The following GAB1 variants were observed in gnomAD, a reference collection of about 807,000 sequenced individuals.
GAB1 encodes GRB2 associated binding protein 1.
GAB1 carries 19 observed loss-of-function variants against 66.5 expected under a neutral mutation model. The ratio of observed to expected loss-of-function variants is 0.29; its 90% CI spans 0.20 to 0.42. GAB1 has a LOEUF of 0.42. Ranked by LOEUF, GAB1 falls within the 10% of genes least tolerant of loss-of-function variation. GAB1 has a pLI of 1.00. For missense variants in GAB1, 732 were observed against 858.5 expected (o/e 0.85, Z 1.84); for synonymous variants, 294 against 301.4 (o/e 0.98, Z 0.25).
chr4:143,437,535 CTT>C (rs764948085), intron 3 of GAB1, among the ~76,000 whole-genome samples: 3 of 152,190 alleles, frequency 2.0e-5, no homozygotes, highest in Non-Finnish European at 4.4e-5. Flanking sequence ...AATCATTAGA[CTT>C]TTAATTTTAC....
chr4:143,409,521 G>A (rs994821373), intron 1 of GAB1, among the ~76,000 whole-genome samples: 7 of 151,106 alleles, frequency 4.6e-5, no homozygotes, highest in Non-Finnish European at 1.0e-4. Flanking sequence ...AAAAAAAAAA[G>A]GAATTAGCTT....
At chr4:143,372,128 C>A (rs1325514268) in intron 1 of GAB1, among the ~76,000 whole-genome samples, 8 of 151,936 alleles carry the variant, frequency 5.3e-5, no homozygotes, top group Non-Finnish European at 1.0e-4. Flanking sequence ...AGTTCAAGAC[C>A]AGCCTGGCCA....
At chr4:143,353,430 T>C (rs1224080755) in intron 1 of GAB1, among the ~76,000 whole-genome samples, 1 of 152,168 alleles carries the variant, frequency 6.6e-6, no homozygotes, top group African/African-American at 2.4e-5. Flanking sequence ...ACTTTGATTT[T>C]AAAGTCCACA....
At chr4:143,413,289 T>C (rs141629743) in intron 1 of GAB1, among the ~76,000 whole-genome samples, 74 of 152,306 alleles carry the variant, frequency 4.9e-4, no homozygotes, top group African/African-American at 1.7e-3. Context: ...TACTAAGAGA[T>C]GATATTTATT....
At chr4:143,455,445 G>A (rs183582822) in intron 6 of GAB1, among the ~76,000 whole-genome samples, 1 of 152,116 alleles carries the variant, frequency 6.6e-6, no homozygotes, top group Admixed American at 6.6e-5. Context: ...AAGATACTGG[G>A]GTAGCAAAGC....
chr4:143,355,847 C>T (rs933281860), intron 1 of GAB1, among the ~76,000 whole-genome samples: 4 of 152,072 alleles, frequency 2.6e-5, no homozygotes, highest in African/African-American at 9.7e-5. Context: ...TACCTTTCTT[C>T]CAACCCTCCT....
At chr4:143,396,600 AG>A (rs1338136577) in intron 1 of GAB1, among the ~76,000 whole-genome samples, 1 of 152,204 alleles carries the variant, frequency 6.6e-6, no homozygotes, top group Admixed American at 6.5e-5. Context: ...GGACTTCAGT[AG>A]ATCTAAAAGA....
intron 6 of GAB1, among the ~76,000 whole-genome samples, chr4:143,457,174 T>C (rs920227399): frequency 2.0e-5 from 3 of 152,154 alleles, no homozygotes; most frequent in African/African-American, 7.2e-5. Flanking sequence ...AGGAATAGAT[T>C]AAGGTTTTAA....
Position 143,470,163 on chromosome 4 carries a change from G to T in GAB1, c.*974G>T, listed in dbSNP as rs189306252. 4.7e-4 allele frequency: 71 copies of T among 152,278 alleles called. 1 individual carries two copies. Among genetic ancestry groups the T allele is most frequent in the African/African-American group, 1.6e-3 (68 of 41,562 alleles). 9.4% of individuals were successfully genotyped at this position (152,278 alleles called of 1,614,324 possible). A position where few individuals can be genotyped will look rare whatever the true frequency, so the allele number is the denominator to read the frequency against. ...AGCAACATACTGTGATTTTTAATTA[G>T]ATAGTAATTCAGATTTATTACTCTA... On this transcript the variant is annotated 3_prime_UTR_variant, in exon 10 of 10. Transcript: ENST00000262994.
intron 2 of GAB1, among the ~76,000 whole-genome samples, chr4:143,419,668 T>G (rs1379562786): frequency 6.6e-6 from 1 of 152,162 alleles, no homozygotes; most frequent in Non-Finnish European, 1.5e-5. Context: ...TGCCAATACG[T>G]TCTACATTGA....
At chr4:143,407,699 C>A (rs1367959813) in intron 1 of GAB1, among the ~76,000 whole-genome samples, 1 of 152,056 alleles carries the variant, frequency 6.6e-6, no homozygotes, top group East Asian at 1.9e-4. Context: ...AATGATAGAG[C>A]CAGTGGAGTG....
Position 143,425,130 on chromosome 4 carries a change from A to C in GAB1, c.368-8361A>C, listed in dbSNP as rs1733265002. 3 of 816,978 alleles carry C rather than the reference A, an allele frequency of 3.7e-6. No individual in the cohort carries two copies. In the East Asian group the frequency reaches 7.3e-5, roughly 20 times the overall value. The allele number at this position is 816,978 out of a possible 1,614,324, so 50.6% of individuals were successfully genotyped here. A position where few individuals can be genotyped will look rare whatever the true frequency, so the allele number is the denominator to read the frequency against. On this transcript the variant is annotated intron_variant, in intron 2 of 9. Coordinates refer to ENST00000262994, the MANE Select transcript of GAB1 (RefSeq NM_002039.4). ...TGCAGCAGGAACCCACTTAGGTGGC[A>C]CCAGTCTTGACTTCCAGATGGAATA... is the stretch of plus-strand genomic sequence containing the variant.
chr4:143,377,094 G>A (rs1199829353), intron 1 of GAB1, among the ~76,000 whole-genome samples: 2 of 151,420 alleles, frequency 1.3e-5, no homozygotes, highest in Non-Finnish European at 2.9e-5. Flanking sequence ...ATTTAGTCTG[G>A]TGGTTTTTTT....
rs558716672 is a variant in GAB1 at position 143,469,723 on chromosome 4, A to G, written c.*534A>G. 6.5e-6 allele frequency: 1 copy of G among 154,416 alleles called. No homozygotes were observed. Among genetic ancestry groups the G allele is most frequent in the South Asian group, 2.0e-4 (1 of 4,984 alleles). The allele number at this position is 154,416 out of a possible 1,614,324, so 9.6% of individuals were successfully genotyped here. On this transcript the variant is annotated 3_prime_UTR_variant, in exon 10 of 10. Transcript: ENST00000262994. ...TGGACTCATCATTTGTTGCCTTCCA[A>G]AATGCTGAGGATAATGTATGTACTG...
At chr4:143,447,908 G>T (rs902973034) in intron 6 of GAB1, among the ~76,000 whole-genome samples, 21 of 152,186 alleles carry the variant, frequency 1.4e-4, no homozygotes, top group African/African-American at 5.1e-4. Context: ...CATTCAGTAT[G>T]ATATTGGCTG....
In GAB1 at chr4:143,438,094, A is replaced by G. The variant is rs543930489; in HGVS notation, c.689A>G (p.His230Arg). 9 of 1,614,098 alleles carry G rather than the reference A, an allele frequency of 5.6e-6. No individual in the cohort carries two copies. The highest frequency in any genetic ancestry group is 1.7e-5 in the Admixed American group (1 of 59,996). The stretch of plus-strand genomic sequence containing the variant: ...AATCCTGCTTCCTCCCAGAGCAAAC[A>G]TGGAATGAATGGCTTTTTTCAGCAG... ...HKNPASSQSKHGMNGFFQQQM... is the reference protein window; with the variant it reads ...HKNPASSQSKRGMNGFFQQQM... Residue 230 changes from histidine (H) to arginine (R), a missense_variant, in exon 4 of 10, where the codon CAT becomes CGT. His to Arg is a conservative substitution (Grantham distance 29, BLOSUM62 0). Coordinates refer to ENST00000262994, the MANE Select transcript of GAB1 (RefSeq NM_002039.4).
In GAB1 at chr4:143,459,369, C is replaced by T; in HGVS notation, c.1586-16C>T. 6.7e-7 allele frequency: 1 copy of T among 1,496,152 alleles called. No individual in the cohort carries two copies. Among genetic ancestry groups the T allele is most frequent in the East Asian group, 2.3e-5 (1 of 44,252 alleles). 92.7% of individuals were successfully genotyped at this position (1,496,152 alleles called of 1,614,324 possible). On this transcript the variant is annotated splice_polypyrimidine_tract_variant and intron_variant, in intron 6 of 9. Coordinates refer to ENST00000262994, the MANE Select transcript of GAB1 (RefSeq NM_002039.4). ...TTCTGTATACTAAAAATCTCTTTTT[C>T]TCTTTTTCTTTTCAGTCAAGCCAGC...
chr4:143,353,849 A>G (rs1385490404), intron 1 of GAB1, among the ~76,000 whole-genome samples: 2 of 152,184 alleles, frequency 1.3e-5, no homozygotes, highest in South Asian at 2.1e-4. Context: ...CCACTATAGT[A>G]TATTAACTAG....
chr4:143,337,395 T>G, intron 1 of GAB1, 135 bp downstream of exon 1: 3 of 740,832 alleles, frequency 4.0e-6, no homozygotes, highest in Non-Finnish European at 6.9e-6. Flanking sequence ...CCTTGGCCCC[T>G]ACCCCTGGCG....
Sources: gnomAD v4.1 joint callset for allele counts (sites outside exome capture counted in the v4.1 genomes callset) on GRCh38, gnomAD v4.1.1 for gene constraint, MANE v1.5 for transcripts, NCBI Gene and HGNC (gene_info 2026-07-23, HGNC 2026-07-21) for gene names.